The following VIP variants were observed in gnomAD, a reference collection of about 807,000 sequenced individuals.
VIP encodes VIP peptides.
In VIP, 18 loss-of-function variants were observed where a neutral mutation model predicts 20.1. The ratio of observed to expected loss-of-function variants is 0.90; its 90% CI spans 0.62 to 1.33. The LOEUF is 1.33. Among genes scored for constraint, VIP ranks in the 40% most tolerant of loss-of-function variants. The pLI, the probability that VIP is intolerant of heterozygous loss-of-function variation, is 0.00. For synonymous variants in VIP, 70 were observed against 68.1 expected (o/e 1.03, Z -0.14); for missense variants, 209 against 199.4 (o/e 1.05, Z -0.29).
chr6:152,752,887 T>C (rs2099729857), intron 2 of VIP, among the ~76,000 whole-genome samples: 1 of 152,156 alleles, frequency 6.6e-6, no homozygotes, highest in African/African-American at 2.4e-5. Flanking sequence ...TGTTATATTA[T>C]ATATTCCAAA....
intron 1 of VIP, among the ~76,000 whole-genome samples, 164 bp from the exon 2 acceptor site, chr6:152,752,004 A>T (rs906250126): frequency 1.3e-5 from 2 of 152,172 alleles, no homozygotes; most frequent in African/African-American, 4.8e-5. Flanking sequence ...TGAGAGAAAT[A>T]CTGATTTTTG....
At chr6:152,757,789 A>G (rs2099730650) in intron 6 of VIP, among the ~76,000 whole-genome samples, 1 of 151,992 alleles carries the variant, frequency 6.6e-6, no homozygotes, top group Admixed American at 6.6e-5. Context: ...TTTTTTGAGC[A>G]GAAAAAACAT....
At chr6:152,758,033 A>G (rs1047255458) in intron 6 of VIP, among the ~76,000 whole-genome samples, 2 of 151,996 alleles carry the variant, frequency 1.3e-5, no homozygotes, top group African/African-American at 4.8e-5. Context: ...TTTGTGAGCC[A>G]TCTATTTTCT....
intron 5 of VIP, 81 bp from the exon 6 acceptor site, chr6:152,757,015 C>G (rs973502802): frequency 6.5e-6 from 9 of 1,381,118 alleles, no homozygotes; most frequent in Middle Eastern, 1.8e-4. Flanking sequence ...GAGAACAGCA[C>G]ATTCATTATG....
intron 2 of VIP, 125 bp downstream of exon 2, chr6:152,752,409 T>A: frequency 1.4e-6 from 1 of 725,922 alleles, no homozygotes; most frequent in Non-Finnish European, 2.1e-6. Flanking sequence ...TTTTCCTTGA[T>A]GTGTTGAGTG....
At position 152,756,254 on chromosome 6, in the gene VIP, TG is replaced by T; in HGVS notation, c.458del (p.Gly153GlufsTer16). 1.2e-6 allele frequency: 2 copies of T among 1,606,696 alleles called. No homozygotes were observed. Among genetic ancestry groups the T allele is most frequent in the South Asian group, 1.1e-5 (1 of 89,662 alleles). ...VKKYLNSILN[G>X]KRSSEGESPD... ...AGAAATATTTGAACTCAATTCTGAA[TG>T]GAAAGAGGAGGTAAAGAAAAAGAGA... On this transcript the variant is annotated frameshift_variant, in exon 5 of 7. Coordinates refer to ENST00000367244, the MANE Select transcript of VIP (RefSeq NM_003381.4). LOFTEE classifies it high-confidence loss of function.
chr6:152,756,225 G>A lies in VIP; in HGVS notation c.427G>A (p.Val143Ile). ...NYTRLRKQMA[V>I]KKYLNSILNG... ...TACCCGCCTTAGAAAACAAATGGCT[G>A]TAAAGAAATATTTGAACTCAATTCT... Residue 143 changes from valine to isoleucine, a missense_variant, in exon 5 of 7, where the codon GTA becomes ATA. Val to Ile is a conservative substitution (Grantham distance 29). Coordinates refer to ENST00000367244, the MANE Select transcript of VIP (RefSeq NM_003381.4). 6.2e-7 allele frequency: 1 copy of A among 1,611,324 alleles called. No homozygotes were observed. Among genetic ancestry groups the A allele is most frequent in the Non-Finnish European group, 8.5e-7 (1 of 1,178,256 alleles).
intron 2 of VIP, among the ~76,000 whole-genome samples, chr6:152,753,676 C>CGA (rs373096536): frequency 6.6e-6 from 1 of 151,324 alleles, no homozygotes; most frequent in Non-Finnish European, 1.5e-5. Flanking sequence ...GCTTGGGGGT[C>CGA]GAGAGAGAGA....
rs571809806 is a variant in VIP, at chr6:152,759,252, T to C, written c.*386T>C. ...AAAATTGATGTGTTTATTTATAGAGTGTACTTAACTATTCAGGAGAGTAGA... is the reference window on the plus strand; with the variant it reads ...AAAATTGATGTGTTTATTTATAGAGCGTACTTAACTATTCAGGAGAGTAGA... On this transcript the variant is annotated 3_prime_UTR_variant, in exon 7 of 7. Transcript: ENST00000367244. The C allele has an allele frequency of 9.9e-5, 15 of 152,078 alleles. No homozygotes were observed. Among genetic ancestry groups the C allele is most frequent in the Admixed American group, 1.3e-4 (2 of 15,252 alleles). The allele number at this position is 152,078 out of a possible 1,614,324, so 9.4% of individuals were successfully genotyped here. A position where few individuals can be genotyped will look rare whatever the true frequency, so the allele number is the denominator to read the frequency against.
intron 6 of VIP, among the ~76,000 whole-genome samples, chr6:152,757,920 T>TA (rs1237164538): frequency 6.6e-6 from 1 of 151,928 alleles, no homozygotes; most frequent in Non-Finnish European, 1.5e-5. Flanking sequence ...CATTCGCTCA[T>TA]AAAAAATCTA....
chr6:152,755,166 C>A (rs2099730225), intron 3 of VIP, 103 bp from the exon 4 acceptor site: 1 of 643,390 alleles, frequency 1.6e-6, no homozygotes, highest in Non-Finnish European at 2.5e-6. Flanking sequence ...TAATGAGAAG[C>A]TTTCATAATA....
chr6:152,752,371 G>A (rs2099729772), intron 2 of VIP, 87 bp downstream of exon 2: 1 of 1,103,208 alleles, frequency 9.1e-7, no homozygotes, highest in Non-Finnish European at 1.3e-6. Flanking sequence ...CAACTAAATA[G>A]TATAAATTAT....
rs2099730432 is a variant in VIP at position 152,756,381 on chromosome 6, T to C, written c.467+116T>C. ...TAGCTATACTACGTGAAGCAGTGAT[T>C]TTCAACCTTGGCTGACATTAGACTA... On this transcript the variant is annotated intron_variant, in intron 5 of 6. Transcript: ENST00000367244. The C allele has an allele frequency of 2.4e-6, 3 of 1,238,802 alleles. No individual in the cohort carries two copies. In the African/African-American group the frequency reaches 4.6e-5, roughly 19 times the overall value. 76.7% of individuals were successfully genotyped at this position (1,238,802 alleles called of 1,614,324 possible).
At chr6:152,757,632 C>A (rs1356161422) in intron 6 of VIP, among the ~76,000 whole-genome samples, 1 of 151,896 alleles carries the variant, frequency 6.6e-6, no homozygotes, top group Non-Finnish European at 1.5e-5. Context: ...GAGCATGGCC[C>A]ATTACTATGA....
chr6:152,758,480 G>A lies in VIP; in HGVS notation c.*44-430G>A, dbSNP rs764178374. 1.4e-4 allele frequency among the ~76,000 whole-genome samples: 22 copies of A among 151,994 alleles called. 1 individual carries two copies. Among genetic ancestry groups the A allele is most frequent in the Non-Finnish European group, 1.8e-4 (12 of 67,938 alleles). ...GCTTTTCTAAGAGTGTTTATAAGAA[G>A]GCTTCTCCATCAAATTAAGAAACAC... On this transcript the variant is annotated intron_variant, in intron 6 of 6. Transcript: ENST00000367244.
chr6:152,757,666 A>T (rs745496260), intron 6 of VIP, among the ~76,000 whole-genome samples: 6 of 151,946 alleles, frequency 3.9e-5, no homozygotes, highest in Non-Finnish European at 8.8e-5. Flanking sequence ...TTCTGGGTCT[A>T]ACTATATTCC....
rs1462740495 is a variant in VIP at position 152,759,194 on chromosome 6, T to C, written c.*328T>C. ...GTAAATGCTAGGTTAATTCCAATTA[T>C]ATGAGACGTTTTTGGAAGAGTAGTA... On this transcript the variant is annotated 3_prime_UTR_variant, in exon 7 of 7. Coordinates refer to ENST00000367244, the MANE Select transcript of VIP (RefSeq NM_003381.4). 6.6e-6 allele frequency: 1 copy of C among 152,074 alleles called. No homozygotes were observed. Among genetic ancestry groups the C allele is most frequent in the Non-Finnish European group, 1.5e-5 (1 of 67,942 alleles). The allele number at this position is 152,074 out of a possible 1,614,324, so 9.4% of individuals were successfully genotyped here. A position where few individuals can be genotyped will look rare whatever the true frequency, so the allele number is the denominator to read the frequency against.
At chr6:152,756,374 C>T (rs866691612) in intron 5 of VIP, 109 bp downstream of exon 5, 1 of 1,255,748 alleles carries the variant, frequency 8.0e-7, no homozygotes. Context: ...CTACGTGAAG[C>T]AGTGATTTTC....
intron 3 of VIP, 93 bp downstream of exon 3, chr6:152,754,381 C>T: frequency 8.1e-7 from 1 of 1,239,156 alleles, no homozygotes; most frequent in South Asian, 1.7e-5. Flanking sequence ...CACCATGAAG[C>T]TATTCCGATA....
Sources: gnomAD v4.1 joint callset for allele counts (sites outside exome capture counted in the v4.1 genomes callset) on GRCh38, gnomAD v4.1.1 for gene constraint, MANE v1.5 for transcripts, NCBI Gene and HGNC (gene_info 2026-07-23, HGNC 2026-07-21) for gene names.